The following KCNH1 variants were observed in gnomAD, a reference collection of about 807,000 sequenced individuals.
The protein encoded by KCNH1 is voltage-gated delayed rectifier potassium channel KCNH1.
Under a neutral mutation model 69.2 loss-of-function variants are expected in KCNH1, and 27 were observed. That is an observed-to-expected ratio of 0.39 (90% CI 0.29 to 0.54). KCNH1 has a LOEUF of 0.54. KCNH1 is among the 20% of genes least tolerant of loss of function. The probability of loss-of-function intolerance (pLI) is 0.68; values close to 1 mark genes in which losing one functional copy is unlikely to be tolerated. For missense variants in KCNH1, 798 were observed against 1,261.6 expected (o/e 0.63, Z 5.57); for synonymous variants, 456 against 487.7 (o/e 0.93, Z 0.86).
At chr1:211,090,715 TC>T (rs1437142129) in intron 3 of KCNH1, 25 bp from the exon 4 acceptor site, 1 of 1,590,590 alleles carries the variant, frequency 6.3e-7, no homozygotes, top group Non-Finnish European at 8.5e-7. Flanking sequence ...AAAAGGTTGG[TC>T]AGTAATTTGC....
intron 1 of KCNH1, among the ~76,000 whole-genome samples, chr1:211,113,529 A>G (rs559675193): frequency 2.4e-3 from 370 of 152,266 alleles, no homozygotes; most frequent in Non-Finnish European, 3.9e-3. Flanking sequence ...GCCAATTTCT[A>G]TAACAGTCCT....
chr1:210,950,309 A>G (rs1219891702), intron 6 of KCNH1, among the ~76,000 whole-genome samples: 54 of 147,426 alleles, frequency 3.7e-4, no homozygotes, highest in African/African-American at 1.2e-3. Context: ...ATGCTGGTGC[A>G]CTGCACCCAC....
chr1:210,725,386 A>T (rs769390290), intron 10 of KCNH1, among the ~76,000 whole-genome samples: 4 of 152,236 alleles, frequency 2.6e-5, no homozygotes, highest in Non-Finnish European at 5.9e-5. Flanking sequence ...ATACTGCCCT[A>T]TACACCAGAC....
At chr1:210,915,516 G>A (rs1397566694) in intron 7 of KCNH1, among the ~76,000 whole-genome samples, 2 of 129,022 alleles carry the variant, frequency 1.6e-5, no homozygotes, top group African/African-American at 2.9e-5. Flanking sequence ...AGCCCCTGCC[G>A]GAGACTACCA....
At chr1:210,856,358 T>G (rs1402919932) in intron 7 of KCNH1, among the ~76,000 whole-genome samples, 1 of 152,144 alleles carries the variant, frequency 6.6e-6, no homozygotes, top group Non-Finnish European at 1.5e-5. Context: ...CTCCTTGCTC[T>G]TCAAATGAGC....
intron 6 of KCNH1, among the ~76,000 whole-genome samples, chr1:210,954,474 T>A (rs992533151): frequency 6.6e-6 from 1 of 152,188 alleles, no homozygotes; most frequent in Non-Finnish European, 1.5e-5. Context: ...CATGAGGAAT[T>A]GCCACACTGT....
At chr1:211,067,751 T>C (rs943657878) in intron 5 of KCNH1, among the ~76,000 whole-genome samples, 5 of 152,146 alleles carry the variant, frequency 3.3e-5, no homozygotes, top group African/African-American at 9.7e-5. Context: ...AGCAGGGGGC[T>C]AGGAAGAAGA....
intron 7 of KCNH1, among the ~76,000 whole-genome samples, chr1:210,901,895 G>A (rs1016827574): frequency 2.0e-5 from 3 of 152,148 alleles, no homozygotes; most frequent in African/African-American, 7.2e-5. Context: ...CCTATAGCTT[G>A]GAATCCTTGA....
intron 10 of KCNH1, among the ~76,000 whole-genome samples, chr1:210,737,310 G>C (rs1682903446): frequency 6.6e-6 from 1 of 152,132 alleles, no homozygotes; most frequent in Non-Finnish European, 1.5e-5. Context: ...ATAATGAAAA[G>C]GTAGATTTCT....
At chr1:211,045,069 A>G (rs554917718) in intron 5 of KCNH1, among the ~76,000 whole-genome samples, 39 of 34,446 alleles carry the variant, frequency 1.1e-3, no homozygotes, top group Middle Eastern at 0.021. Context: ...TGAATAATAG[A>G]ATAGTGGTCT....
chr1:211,088,589 A>G (rs1190973340), intron 4 of KCNH1, among the ~76,000 whole-genome samples: 1 of 152,218 alleles, frequency 6.6e-6, no homozygotes, highest in African/African-American at 2.4e-5. Context: ...GTTTGAACAT[A>G]TCTGCCATGG....
intron 6 of KCNH1, among the ~76,000 whole-genome samples, chr1:210,984,301 C>A (rs899663198): frequency 6.6e-6 from 1 of 152,100 alleles, no homozygotes; most frequent in Non-Finnish European, 1.5e-5. Flanking sequence ...CCAGAACTTC[C>A]AACACTATGT....
intron 5 of KCNH1, among the ~76,000 whole-genome samples, chr1:211,043,354 G>T (rs1690036332): frequency 6.6e-6 from 1 of 152,098 alleles, no homozygotes; most frequent in Non-Finnish European, 1.5e-5. Flanking sequence ...AGAAAACATA[G>T]AGGAGATGGA....
At chr1:211,119,274 G>A (rs201561675) in intron 1 of KCNH1, among the ~76,000 whole-genome samples, 3 of 152,034 alleles carry the variant, frequency 2.0e-5, no homozygotes, top group Non-Finnish European at 2.9e-5. Context: ...GCAGGAGAAT[G>A]GTGTGAACCC....
At chr1:210,819,060 A>G (rs1361094301) in intron 7 of KCNH1, among the ~76,000 whole-genome samples, 1 of 152,182 alleles carries the variant, frequency 6.6e-6, no homozygotes, top group African/African-American at 2.4e-5. Context: ...TGTTTAAGGA[A>G]AAGAGTGTAA....
At chr1:211,076,112 A>G (rs1206020830) in intron 5 of KCNH1, among the ~76,000 whole-genome samples, 1 of 152,256 alleles carries the variant, frequency 6.6e-6, no homozygotes, top group Non-Finnish European at 1.5e-5. Flanking sequence ...ACCACAGTTC[A>G]GCAAGGCCTA....
At chr1:211,066,350 G>T (rs1690530649) in intron 5 of KCNH1, among the ~76,000 whole-genome samples, 1 of 152,116 alleles carries the variant, frequency 6.6e-6, no homozygotes, top group Admixed American at 6.5e-5. Flanking sequence ...AAAAATTCTG[G>T]ATGTTTTTGG....
intron 6 of KCNH1, among the ~76,000 whole-genome samples, chr1:210,962,271 A>G (rs12566456): frequency 0.046 from 6,968 of 152,172 alleles, 259 homozygotes; most frequent in East Asian, 0.18. Context: ...AGCCCTCAAG[A>G]TCATTCTCCT....
chr1:210,711,492 C>A (rs1682074161), intron 10 of KCNH1, among the ~76,000 whole-genome samples: 1 of 152,202 alleles, frequency 6.6e-6, no homozygotes. Context: ...GAGATGCCAG[C>A]CTCTCTAGAG....
Sources: allele counts gnomAD v4.1 joint callset (sites outside exome capture counted in the v4.1 genomes callset), GRCh38; gene constraint gnomAD v4.1.1; transcripts MANE v1.5; gene names NCBI Gene and HGNC (gene_info 2026-07-23, HGNC 2026-07-21).